KHDRBS2: variants seen among roughly 807,000 people sequenced by gnomAD.
The protein encoded by KHDRBS2 is KH domain-containing, RNA-binding, signal transduction-associated protein 2.
KHDRBS2 carries 26 observed loss-of-function variants against 44.3 expected under a neutral mutation model. The observed-to-expected ratio is 0.59, with a 90% CI of 0.43 to 0.81. KHDRBS2 has a LOEUF of 0.81. Ranked by LOEUF, KHDRBS2 falls within the 40% of genes least tolerant of loss-of-function variation. KHDRBS2 has a pLI of 0.00. For synonymous variants in KHDRBS2, 194 were observed against 151.1 expected (o/e 1.28, Z -2.08); for missense variants, 476 against 433.1 (o/e 1.10, Z -0.88).
chr6:61,551,928 G>T, the KHDRBS2 span, among the ~76,000 whole-genome samples: 2 of 151,988 alleles, frequency 1.3e-5, no homozygotes, highest in East Asian at 1.9e-4. Flanking sequence ...CATGTGAATG[G>T]GATTGCATTT....
the KHDRBS2 span, among the ~76,000 whole-genome samples, chr6:61,564,088 TA>T: frequency 6.6e-6 from 1 of 152,076 alleles, no homozygotes; most frequent in African/African-American, 2.4e-5. Flanking sequence ...AGAAAACAAG[TA>T]GTTGTCTCTG....
At chr6:61,701,552 T>C (rs1228910952) in intron 7 of KHDRBS2, among the ~76,000 whole-genome samples, 1 of 151,902 alleles carries the variant, frequency 6.6e-6, no homozygotes, top group Non-Finnish European at 1.5e-5. Context: ...AAGGAGGGCA[T>C]ACTCTACTTT....
chr6:61,547,317 G>A, the KHDRBS2 span, among the ~76,000 whole-genome samples: 2 of 152,080 alleles, frequency 1.3e-5, no homozygotes, highest in African/African-American at 4.8e-5. Context: ...AAGTGTGCAT[G>A]CAGACTTAAC....
At chr6:61,630,626 CT>C in the KHDRBS2 span, 4 of 152,122 alleles carry the variant, frequency 2.6e-5, no homozygotes, top group African/African-American at 9.7e-5. Flanking sequence ...CAAATGATGC[CT>C]GAAACAAGGA....
At chr6:62,108,600 T>C (rs1233251125) in intron 2 of KHDRBS2, among the ~76,000 whole-genome samples, 5 of 152,282 alleles carry the variant, frequency 3.3e-5, no homozygotes, top group South Asian at 4.1e-4. Flanking sequence ...TTACTGGGTA[T>C]ATACCCAAAG....
At chr6:61,915,875 C>CATTT (rs1455364864) in intron 4 of KHDRBS2, among the ~76,000 whole-genome samples, 3 of 151,930 alleles carry the variant, frequency 2.0e-5, no homozygotes, top group African/African-American at 7.3e-5. Context: ...TTTACTCAGG[C>CATTT]ATTTAGCAAA....
chr6:61,856,822 T>G (rs1796226488), intron 6 of KHDRBS2, among the ~76,000 whole-genome samples: 1 of 152,038 alleles, frequency 6.6e-6, no homozygotes, highest in African/African-American at 2.4e-5. Flanking sequence ...TCAAGGCATA[T>G]CCCTCGGATT....
chr6:61,883,271 G>C (rs1800460224), intron 6 of KHDRBS2, among the ~76,000 whole-genome samples: 1 of 151,978 alleles, frequency 6.6e-6, no homozygotes, highest in Non-Finnish European at 1.5e-5. Flanking sequence ...TTTTGCCACT[G>C]CTGTCCTCCC....
chr6:61,987,132 A>T (rs1242369015), intron 3 of KHDRBS2, among the ~76,000 whole-genome samples: 1 of 152,212 alleles, frequency 6.6e-6, no homozygotes, highest in Non-Finnish European at 1.5e-5. Context: ...TACTGTGTAA[A>T]CTTGGGCAAG....
At chr6:62,257,669 A>G (rs1837621064) in intron 1 of KHDRBS2, among the ~76,000 whole-genome samples, 2 of 152,034 alleles carry the variant, frequency 1.3e-5, no homozygotes, top group African/African-American at 4.8e-5. Flanking sequence ...AGAAAAGTCC[A>G]TATTTTGCTT....
At chr6:62,092,054 T>C (rs1799588617) in intron 2 of KHDRBS2, among the ~76,000 whole-genome samples, 1 of 152,152 alleles carries the variant, frequency 6.6e-6, no homozygotes, top group Admixed American at 6.5e-5. Context: ...TAAGTAGGAC[T>C]CTTGTTACTA....
At chr6:62,186,738 A>C (rs1185543042) in intron 1 of KHDRBS2, among the ~76,000 whole-genome samples, 1 of 152,118 alleles carries the variant, frequency 6.6e-6, no homozygotes, top group Admixed American at 6.6e-5. Context: ...GTACCTCACA[A>C]AAGGCAAGAG....
intron 3 of KHDRBS2, among the ~76,000 whole-genome samples, chr6:62,004,464 A>G (rs555036754): frequency 6.6e-5 from 10 of 152,180 alleles, no homozygotes; most frequent in Non-Finnish European, 1.0e-4. Flanking sequence ...AACCAGGAAG[A>G]CATTGAATCC....
At chr6:61,837,824 C>A (rs1322433134) in intron 6 of KHDRBS2, among the ~76,000 whole-genome samples, 1 of 151,948 alleles carries the variant, frequency 6.6e-6, no homozygotes, top group Non-Finnish European at 1.5e-5. Context: ...CCATCCAAAC[C>A]AGAAATATGG....
At chr6:62,088,832 C>T (rs1305031614) in intron 2 of KHDRBS2, among the ~76,000 whole-genome samples, 1 of 152,162 alleles carries the variant, frequency 6.6e-6, no homozygotes, top group Admixed American at 6.5e-5. Flanking sequence ...CCACCCCTTG[C>T]CCCAGGTGCT....
At chr6:62,115,788 AC>A (rs1323251630) in intron 2 of KHDRBS2, among the ~76,000 whole-genome samples, 1 of 152,154 alleles carries the variant, frequency 6.6e-6, no homozygotes, top group Non-Finnish European at 1.5e-5. Flanking sequence ...ATACAAATTT[AC>A]TTTTTTAACG....
rs192178741 is a variant in KHDRBS2, at chr6:62,214,129, T to C, written c.92-36817A>G. 6.6e-5 allele frequency among the ~76,000 whole-genome samples: 10 copies of C among 152,232 alleles called. No individual in the cohort carries two copies. The East Asian group carries it at 1.9e-3, about 29-fold the overall frequency. On this transcript the variant is annotated intron_variant, in intron 1 of 8. Transcript: ENST00000281156. ...TCAAATCTTTCTGATGCTTCACTTGTTTACTCTTGAGATTTGATTTATATT... is the reference window on the plus strand; with the variant it reads ...TCAAATCTTTCTGATGCTTCACTTGCTTACTCTTGAGATTTGATTTATATT...
chr6:61,912,590 A>T (rs1425731969), intron 4 of KHDRBS2, among the ~76,000 whole-genome samples: 1 of 152,164 alleles, frequency 6.6e-6, no homozygotes, highest in African/African-American at 2.4e-5. Context: ...GGCCCATGAC[A>T]GAGCAACTGG....
the KHDRBS2 span, among the ~76,000 whole-genome samples, chr6:61,590,166 C>T: frequency 0.024 from 3,715 of 152,204 alleles, 71 homozygotes; most frequent in Middle Eastern, 0.085. Context: ...GCTCAACAGG[C>T]CTCGGGGACT....
Sources: allele counts gnomAD v4.1 joint callset (sites outside exome capture counted in the v4.1 genomes callset), GRCh38; gene constraint gnomAD v4.1.1; transcripts MANE v1.5; gene names NCBI Gene and HGNC (gene_info 2026-07-23, HGNC 2026-07-21).